Variants in SPON2 observed in about 807,000 individuals in gnomAD.
SPON2 encodes spondin-2.
A neutral mutation model predicts 29.9 loss-of-function variants in SPON2; 32 were observed. The observed-to-expected ratio is 1.07, with a 90% CI of 0.81 to 1.44. The LOEUF (loss-of-function observed/expected upper bound fraction) is 1.44, where lower values mean the gene tolerates loss of function less well. Among genes scored for constraint, SPON2 ranks in the 40% most tolerant of loss-of-function variants. The pLI is 0.00. For missense variants in SPON2, 541 were observed against 455.5 expected, an observed-to-expected ratio of 1.19 and a Z score of -1.71; for synonymous variants, 248 against 209.1, an observed-to-expected ratio of 1.19 and a Z score of -1.61.
In SPON2 at chr4:1,171,431, G is replaced by A. The variant is rs374716345; in HGVS notation, c.276C>T (p.Asn92=). 6 of 1,612,166 alleles carry A rather than the reference G, an allele frequency of 3.7e-6. No homozygotes were observed. The highest frequency in any genetic ancestry group is 1.1e-5 in the South Asian group (1 of 91,086). ...CGCGCTCCGCAAAGTCGCGCAGCCC[G>A]TTACTGACGTACTGGTTCTTCCTCC... The part of the protein sequence containing the change: ...SMWRKNQYVS[N]GLRDFAERGE... The change falls in exon 3 of 6, where the codon AAC becomes AAT. Residue 92 remains asparagine, a synonymous_variant. Coordinates refer to ENST00000290902, the MANE Select transcript of SPON2 (RefSeq NM_012445.4).
rs1036823988 is a variant in SPON2 at position 1,202,958 on chromosome 4, G to A, written c.-234+4922C>T. Reference sequence around the variant, plus strand: ...ATCGGGGGAGACCCAGGCAGGCAGTGAGCTCTGCGGTCCCAAAGGTGCCCC... The same window carrying A: ...ATCGGGGGAGACCCAGGCAGGCAGTAAGCTCTGCGGTCCCAAAGGTGCCCC... On this transcript the variant is annotated intron_variant, in intron 1 of 3. Coordinates refer to the SPON2 transcript ENST00000509233. This position sits in a 1 kb window ranked among gnomAD's most constrained non-coding sequence, Gnocchi z 5.4. Among the ~76,000 whole-genome samples, 3 of 152,218 alleles carry A rather than the reference G, an allele frequency of 2.0e-5. No homozygotes were observed. The highest frequency in any genetic ancestry group is 7.2e-5 in the African/African-American group (3 of 41,450).
chr4:1,185,968 GGC>G (rs1247571533), intron 1 of SPON2, among the ~76,000 whole-genome samples: 20 of 152,050 alleles, frequency 1.3e-4, no homozygotes, highest in Admixed American at 5.9e-4. Flanking sequence ...CATCTGGCCG[GGC>G]GTGGTGGCTC....
chr4:1,171,826 G>C, intron 2 of SPON2, 26 bp downstream of exon 2: 1 of 1,551,066 alleles, frequency 6.4e-7, no homozygotes, highest in Non-Finnish European at 8.9e-7. Context: ...TGGTGGAGCA[G>C]GAGGCGAGGA....
chr4:1,171,233 G>A (rs1292331165), intron 3 of SPON2, 30 bp downstream of exon 3: 16 of 1,433,114 alleles, frequency 1.1e-5, no homozygotes, highest in Non-Finnish European at 1.4e-5. Flanking sequence ...CGGCCCCCCG[G>A]ACCCCGCCCC....
chr4:1,203,391 C>T (rs971075490), intron 1 of SPON2, among the ~76,000 whole-genome samples: 1 of 152,206 alleles, frequency 6.6e-6, no homozygotes, highest in Non-Finnish European at 1.5e-5. Flanking sequence ...CTTCACTTGG[C>T]AAATGTTTGC....
chr4:1,171,635 C>G (rs1159876162), intron 2 of SPON2, 149 bp from the exon 3 acceptor site: 1 of 892,456 alleles, frequency 1.1e-6, no homozygotes, highest in East Asian at 2.7e-5. Context: ...TGTGGCTGCC[C>G]CTGCCGCGAC....
intron 5 of SPON2, among the ~76,000 whole-genome samples, chr4:1,169,127 T>C (rs1010074142): frequency 6.6e-6 from 1 of 151,834 alleles, no homozygotes; most frequent in African/African-American, 2.4e-5. Flanking sequence ...CACAGCTGAC[T>C]TTATCCCTCT....
At chr4:1,169,986 G>GC (rs1195438647) in intron 5 of SPON2, 2 of 212,564 alleles carry the variant, frequency 9.4e-6, no homozygotes, top group Non-Finnish European at 1.9e-5. Flanking sequence ...TGTGAGCAGA[G>GC]CCCCGAGCTG....
rs1458522572 is a variant in SPON2 at position 1,186,008 on chromosome 4, GC to G, written c.-238-6468del. 1.6e-3 allele frequency among the ~76,000 whole-genome samples: 244 copies of G among 151,536 alleles called. 2 individuals are homozygous for G. Among genetic ancestry groups the G allele is most frequent in the African/African-American group, 5.7e-3 (238 of 41,466 alleles). On this transcript the variant is annotated intron_variant, in intron 1 of 3. Coordinates refer to the SPON2 transcript ENST00000502483. Reference sequence around the variant, plus strand: ...GCCTGTAATCCCAGCACTTTGGGAGGCCGAGGCGGGCGGATCACGAGGTCAG... The same window carrying G: ...GCCTGTAATCCCAGCACTTTGGGAGGCGAGGCGGGCGGATCACGAGGTCAG...
At chr4:1,205,731 G>A (rs755575618) in intron 1 of SPON2, among the ~76,000 whole-genome samples, 5 of 152,084 alleles carry the variant, frequency 3.3e-5, no homozygotes, top group Middle Eastern at 3.2e-3. Context: ...CTCCAGGCCC[G>A]CCCAGGCTCC....
chr4:1,198,668 G>A (rs566760888), upstream of SPON2, among the ~76,000 whole-genome samples: 4 of 151,998 alleles, frequency 2.6e-5, no homozygotes, highest in African/African-American at 4.8e-5. Flanking sequence ...CCAACACAGC[G>A]TCGGCAGCAT....
chr4:1,179,819 C>A (rs1175209196), intron 1 of SPON2, among the ~76,000 whole-genome samples: 1 of 152,150 alleles, frequency 6.6e-6, no homozygotes, highest in Non-Finnish European at 1.5e-5. Flanking sequence ...CTAGAAGACA[C>A]CACTTGCAAA....
At chr4:1,172,183 C>A in intron 1 of SPON2, 109 bp from the exon 2 acceptor site, 2 of 872,714 alleles carry the variant, frequency 2.3e-6, no homozygotes, top group Non-Finnish European at 3.5e-6. Context: ...CCCCGAGCAC[C>A]CGCGACCCCC....
rs551358959 is a variant in SPON2 at position 1,170,266 on chromosome 4, T to C, written c.811+136A>G. ...GTGTGAATCAACAGAATCCTAAATCTTCTAGGCACCATCTTGCAGTACGCA... is the reference window on the plus strand; with the variant it reads ...GTGTGAATCAACAGAATCCTAAATCCTCTAGGCACCATCTTGCAGTACGCA... On this transcript the variant is annotated intron_variant, in intron 5 of 5. Coordinates refer to ENST00000290902, the MANE Select transcript of SPON2 (RefSeq NM_012445.4). 39 of 821,014 alleles carry C rather than the reference T, an allele frequency of 4.8e-5. No individual in the cohort carries two copies. The South Asian group carries it at 6.2e-4, about 13-fold the overall frequency. 50.9% of individuals were successfully genotyped at this position (821,014 alleles called of 1,614,324 possible).
At chr4:1,184,953 A>AATAC (rs1727765095) in intron 1 of SPON2, among the ~76,000 whole-genome samples, 1 of 146,760 alleles carries the variant, frequency 6.8e-6, no homozygotes, top group Non-Finnish European at 1.5e-5. Flanking sequence ...AAAAAAAAAG[A>AATAC]ATACAATAAG....
At chr4:1,169,209 G>A (rs1047884362) in intron 5 of SPON2, among the ~76,000 whole-genome samples, 4 of 152,000 alleles carry the variant, frequency 2.6e-5, no homozygotes, top group Admixed American at 6.5e-5. Flanking sequence ...GGGGCAAACC[G>A]CACCTCTCTG....
intron 5 of SPON2, chr4:1,168,191 A>G (rs1727309581): frequency 6.5e-6 from 1 of 152,682 alleles, no homozygotes. Context: ...TGTTATGGTT[A>G]AGTCACTTGG....
intron 1 of SPON2, among the ~76,000 whole-genome samples, chr4:1,180,664 T>C (rs1727686783): frequency 1.3e-5 from 2 of 152,176 alleles, no homozygotes; most frequent in Non-Finnish European, 2.9e-5. Context: ...TTTTACCACA[T>C]AGAGAATATC....
chr4:1,203,687 G>A (rs1728270455), intron 1 of SPON2, among the ~76,000 whole-genome samples: 2 of 152,186 alleles, frequency 1.3e-5, no homozygotes, highest in Non-Finnish European at 2.9e-5. Context: ...AGCCGCATGT[G>A]AGGTTCCCAC....
Sources: allele counts gnomAD v4.1 joint callset (sites outside exome capture counted in the v4.1 genomes callset), GRCh38; gene constraint gnomAD v4.1.1; non-coding constraint Gnocchi (gnomAD v3.1); transcripts MANE v1.5; gene names NCBI Gene and HGNC (gene_info 2026-07-23, HGNC 2026-07-21).